CDH13: variants seen among roughly 807,000 people sequenced by gnomAD.
CDH13 encodes cadherin-13.
In CDH13, 24 loss-of-function variants were observed where a neutral mutation model predicts 63.8. The ratio of observed to expected loss-of-function variants is 0.38; its 90% confidence interval spans 0.27 to 0.53. The LOEUF is 0.53. CDH13 is among the 20% of genes least tolerant of loss of function. The pLI is 0.85. For synonymous variants in CDH13, 503 were observed against 355.3 expected, an observed-to-expected ratio of 1.42 and a Z score of -4.67; for missense variants, 1,049 against 903.1, an observed-to-expected ratio of 1.16 and a Z score of -2.07.
At chr16:83,714,165 T>A (rs1024984194) in intron 10 of CDH13, among the ~76,000 whole-genome samples, 1 of 152,086 alleles carries the variant, frequency 6.6e-6, no homozygotes, top group African/African-American at 2.4e-5. Flanking sequence ...GCCACAACAA[T>A]CCCATCCACT....
At chr16:82,939,620 T>C (rs993421363) in intron 2 of CDH13, among the ~76,000 whole-genome samples, 2 of 151,558 alleles carry the variant, frequency 1.3e-5, no homozygotes, top group East Asian at 1.9e-4. Flanking sequence ...AATGTAAAAA[T>C]TGAATGTTAA....
At chr16:82,858,732 C>G (rs764960909) in intron 2 of CDH13, 9 of 588,646 alleles carry the variant, frequency 1.5e-5, no homozygotes, top group African/African-American at 5.6e-5. Flanking sequence ...AGGGGGCTGT[C>G]AGCCTCCAAT....
chr16:83,149,204 T>A (rs879874750), intron 4 of CDH13, among the ~76,000 whole-genome samples: 1 of 152,238 alleles, frequency 6.6e-6, no homozygotes, highest in African/African-American at 2.4e-5. Context: ...AGCTTCATAG[T>A]AAATCATGCT....
At position 82,809,315 on chromosome 16, in the gene CDH13, A is replaced by AG. The variant is rs1475142648; in HGVS notation, c.46-49047_46-49046insG. 3.4e-5 allele frequency among the ~76,000 whole-genome samples: 3 copies of AG among 88,172 alleles called. No homozygotes were observed. In the Admixed American group the frequency reaches 4.3e-4, roughly 12 times the overall value. 57.8% of individuals were successfully genotyped at this position (88,172 alleles called of 152,430 possible). On this transcript the variant is annotated intron_variant, in intron 1 of 13. Coordinates refer to ENST00000567109, the MANE Select transcript of CDH13 (RefSeq NM_001257.5). ...CCACCTCTCAAGTTATTTACGTCCA[A>AG]AAAAAAAAAATCACTGTAAATGAAA...
chr16:83,690,397 G>A (rs1567518138), intron 10 of CDH13, among the ~76,000 whole-genome samples: 1 of 152,140 alleles, frequency 6.6e-6, no homozygotes, highest in African/African-American at 2.4e-5. Context: ...GGAAGTGGAG[G>A]TGAGCCACAC....
chr16:82,724,561 G>A (rs2032979865), intron 1 of CDH13, among the ~76,000 whole-genome samples: 1 of 152,142 alleles, frequency 6.6e-6, no homozygotes, highest in Non-Finnish European at 1.5e-5. Context: ...TTATTGGGAT[G>A]CCCTCAAATG....
chr16:82,807,087 C>T, intron 1 of CDH13, among the ~76,000 whole-genome samples: 1 of 131,870 alleles, frequency 7.6e-6, no homozygotes, highest in South Asian at 2.6e-4. Context: ...TGGGATCATG[C>T]CTTTTTTTTT....
intron 1 of CDH13, among the ~76,000 whole-genome samples, chr16:82,681,229 A>C (rs1378927409): frequency 6.6e-6 from 1 of 152,254 alleles, no homozygotes; most frequent in Admixed American, 6.5e-5. Context: ...ATGAACCTTG[A>C]AAACCTGATG....
At chr16:82,945,675 A>C (rs1904633794) in intron 2 of CDH13, among the ~76,000 whole-genome samples, 1 of 152,058 alleles carries the variant, frequency 6.6e-6, no homozygotes, top group South Asian at 2.1e-4. Context: ...CCTCTTCTAT[A>C]CTAAGTCCCA....
At chr16:83,320,279 C>G (rs905680796) in intron 5 of CDH13, among the ~76,000 whole-genome samples, 2 of 151,982 alleles carry the variant, frequency 1.3e-5, no homozygotes, top group African/African-American at 2.4e-5. Context: ...CTGCTGGACT[C>G]AAGTGATCCT....
intron 7 of CDH13, among the ~76,000 whole-genome samples, chr16:83,507,987 G>A (rs931589882): frequency 4.7e-5 from 7 of 150,430 alleles, no homozygotes; most frequent in East Asian, 2.0e-4. Context: ...AGCCGAGATC[G>A]CGCCACTGCA....
chr16:82,886,445 T>C (rs942905420), intron 2 of CDH13, among the ~76,000 whole-genome samples: 1 of 152,248 alleles, frequency 6.6e-6, no homozygotes, highest in Admixed American at 6.5e-5. Context: ...TGGGATGTTA[T>C]TGCTATTTTA....
intron 5 of CDH13, among the ~76,000 whole-genome samples, chr16:83,278,770 C>T (rs11643201): frequency 0.11 from 16,759 of 152,204 alleles, 1,003 homozygotes; most frequent in African/African-American, 0.13. Flanking sequence ...TTGAGAGCAT[C>T]TGATTCGCAT....
At chr16:83,075,546 C>A (rs1218347528) in intron 3 of CDH13, among the ~76,000 whole-genome samples, 1 of 152,188 alleles carries the variant, frequency 6.6e-6, no homozygotes, top group African/African-American at 2.4e-5. Flanking sequence ...GCATTGCATC[C>A]AGTGCGTACC....
chr16:83,613,725 T>A (rs1345685370), intron 8 of CDH13, among the ~76,000 whole-genome samples: 1 of 152,096 alleles, frequency 6.6e-6, no homozygotes, highest in Non-Finnish European at 1.5e-5. Context: ...CTCAGCTGCC[T>A]TGGAGGCTGA....
At chr16:82,979,781 C>CT (rs931694141) in intron 2 of CDH13, among the ~76,000 whole-genome samples, 2 of 152,078 alleles carry the variant, frequency 1.3e-5, no homozygotes, top group African/African-American at 4.8e-5. Context: ...TCCTGCCTTG[C>CT]TTTTTTGAAA....
At chr16:83,029,535 T>C (rs1916115056) in intron 2 of CDH13, among the ~76,000 whole-genome samples, 1 of 150,566 alleles carries the variant, frequency 6.6e-6, no homozygotes, top group Non-Finnish European at 1.5e-5. Context: ...ATTATTGTTA[T>C]AGTGATTAGA....
rs868491295 is a variant in CDH13, at chr16:83,077,345, C to G, written c.366+45127C>G. Among the ~76,000 whole-genome samples the G allele has an allele frequency of 3.3e-4, 50 of 151,668 alleles. No homozygotes were observed. In the Middle Eastern group the frequency reaches 0.01, roughly 31 times the overall value. On this transcript the variant is annotated intron_variant, in intron 3 of 13. Transcript: ENST00000567109. ...TAGTTGGAATTACAGGTGCACACCACCATGCCTGGCTAATTTATTGTATTT... is the reference window on the plus strand; with the variant it reads ...TAGTTGGAATTACAGGTGCACACCAGCATGCCTGGCTAATTTATTGTATTT...
chr16:83,644,320 A>G (rs1911588305), intron 8 of CDH13, among the ~76,000 whole-genome samples: 1 of 152,172 alleles, frequency 6.6e-6, no homozygotes, highest in South Asian at 2.1e-4. Context: ...ATGGCTTTGT[A>G]TTGTGTTCTG....
Sources: gnomAD v4.1 joint callset for allele counts (sites outside exome capture counted in the v4.1 genomes callset) on GRCh38, gnomAD v4.1.1 for gene constraint, MANE v1.5 for transcripts, NCBI Gene and HGNC (gene_info 2026-07-23, HGNC 2026-07-21) for gene names.